FGF18: variants seen among roughly 807,000 people sequenced by gnomAD.
FGF18 encodes fibroblast growth factor 18.
A neutral mutation model predicts 23.0 loss-of-function variants in FGF18; 5 were observed. The observed-to-expected ratio is 0.22, with a 90% CI of 0.11 to 0.46. The LOEUF (loss-of-function observed/expected upper bound fraction) is 0.46, where lower values mean the gene tolerates loss of function less well. Ranked by LOEUF, FGF18 falls within the 20% of genes least tolerant of loss-of-function variation. The pLI, the probability that FGF18 is intolerant of heterozygous loss-of-function variation, is 0.99. For missense variants in FGF18, 180 were observed against 291.6 expected (o/e 0.62, Z 2.79); for synonymous variants, 117 against 118.9 (o/e 0.98, Z 0.10).
chr5:171,450,464 C>A (rs1581279718), intron 4 of FGF18, among the ~76,000 whole-genome samples: 1 of 152,204 alleles, frequency 6.6e-6, no homozygotes, highest in Non-Finnish European at 1.5e-5. Context: ...CCGCTACCAT[C>A]CCCATTCCAC....
At chr5:171,443,549 C>T (rs1199399568) in intron 3 of FGF18, among the ~76,000 whole-genome samples, 3 of 106,816 alleles carry the variant, frequency 2.8e-5, no homozygotes, top group African/African-American at 1.1e-4. Flanking sequence ...GACAGGGTTT[C>T]ACCGTGTTAG....
chr5:171,431,676 T>A (rs1480281633), intron 2 of FGF18, among the ~76,000 whole-genome samples: 1 of 152,216 alleles, frequency 6.6e-6, no homozygotes, highest in Non-Finnish European at 1.5e-5. Flanking sequence ...ATAATCCATG[T>A]GCATGGCGTG....
chr5:171,422,409 G>A (rs1428626360), intron 2 of FGF18, among the ~76,000 whole-genome samples: 4 of 152,104 alleles, frequency 2.6e-5, no homozygotes, highest in Non-Finnish European at 5.9e-5. Flanking sequence ...TTTAACCCAT[G>A]GTCCATGTAC....
At chr5:171,443,616 C>T (rs1298513211) in intron 3 of FGF18, among the ~76,000 whole-genome samples, 1 of 144,066 alleles carries the variant, frequency 6.9e-6, no homozygotes. Context: ...TCCCAAAGTG[C>T]TGGGATTACA....
At chr5:171,438,722 GC>G (rs1395424339) in intron 3 of FGF18, among the ~76,000 whole-genome samples, 1 of 152,076 alleles carries the variant, frequency 6.6e-6, no homozygotes, top group East Asian at 1.9e-4. Context: ...CACAGATGAG[GC>G]CAAGGGACCC....
chr5:171,444,920 G>T (rs577737801), intron 3 of FGF18, among the ~76,000 whole-genome samples: 1 of 152,314 alleles, frequency 6.6e-6, no homozygotes, highest in South Asian at 2.1e-4. Context: ...ATAGGTTCTT[G>T]TCCTCGTGGA....
chr5:171,438,639 C>T (rs1343711433), intron 3 of FGF18, among the ~76,000 whole-genome samples: 3 of 152,020 alleles, frequency 2.0e-5, no homozygotes, highest in East Asian at 1.9e-4. Flanking sequence ...TGTACTCCTC[C>T]GACCCCCCGA....
intron 4 of FGF18, among the ~76,000 whole-genome samples, chr5:171,455,041 T>A (rs140106199): frequency 2.0e-5 from 3 of 152,370 alleles, no homozygotes; most frequent in African/African-American, 7.2e-5. Context: ...GCATCACTCC[T>A]ACAGTGTCTC....
At chr5:171,449,382 TGTGTGTGTGTGTGTGTGTGA>T (rs1772461361) in intron 4 of FGF18, 129 bp downstream of exon 4, 2 of 495,050 alleles carry the variant, frequency 4.0e-6, no homozygotes, top group South Asian at 1.9e-5. Context: ...TGTGTGTGTG[TGTGTGTGTGTGTGTGTGTGA>T]GAGAGAGAGA....
intron 3 of FGF18, among the ~76,000 whole-genome samples, chr5:171,439,195 T>C (rs1772298704): frequency 6.6e-6 from 1 of 152,146 alleles, no homozygotes; most frequent in Non-Finnish European, 1.5e-5. Context: ...TGCGCAGTAG[T>C]GGGTGGTCCC....
intron 3 of FGF18, among the ~76,000 whole-genome samples, chr5:171,442,580 C>T (rs772901973): frequency 3.3e-5 from 5 of 152,226 alleles, no homozygotes; most frequent in African/African-American, 9.6e-5. Context: ...GCTGCTCTTG[C>T]GGGTCTTGGG....
intron 3 of FGF18, among the ~76,000 whole-genome samples, chr5:171,439,471 A>G (rs1287537727): frequency 1.3e-5 from 2 of 152,144 alleles, no homozygotes; most frequent in Non-Finnish European, 2.9e-5. Flanking sequence ...ACCTGGGATA[A>G]TATCAGCCTC....
intron 3 of FGF18, among the ~76,000 whole-genome samples, chr5:171,447,160 G>A (rs557946256): frequency 6.6e-6 from 1 of 152,236 alleles, no homozygotes; most frequent in Admixed American, 6.5e-5. Context: ...CATTTTACAG[G>A]AGAAGAAACT....
rs1198654846 is a variant in FGF18, at chr5:171,451,530, C to T, written c.357+2277C>T. 2.6e-5 allele frequency among the ~76,000 whole-genome samples: 4 copies of T among 152,160 alleles called. No individual in the cohort carries two copies. The highest frequency in any genetic ancestry group is 1.5e-5 in the Non-Finnish European group (1 of 68,024). ...CCTCCTACCATCCCGGAAATCGTTG[C>T]CCCAGCCGCCTGGCGTGTGGCTTCT... is the stretch of plus-strand genomic sequence containing the variant. On this transcript the variant is annotated intron_variant, in intron 4 of 4. Coordinates refer to ENST00000274625, the MANE Select transcript of FGF18 (RefSeq NM_003862.3). This position sits in a 1 kb window ranked among gnomAD's most constrained non-coding sequence, Gnocchi z 4.5.
chr5:171,436,135 G>T lies in FGF18; in HGVS notation c.112G>T (p.Glu38Ter), dbSNP rs770424234. The change falls in exon 3 of 5, where the codon GAG (glutamate) becomes TAG (stop). Residue 38 changes from glutamate to a stop codon, truncating the protein, a stop_gained. Coordinates refer to ENST00000274625, the MANE Select transcript of FGF18 (RefSeq NM_003862.3). LOFTEE classifies it high-confidence loss of function. The surrounding 1 kb of genome is among the most constrained non-coding windows in gnomAD (Gnocchi z 4.4). ...GAACGTGGACTTCCGCATCCACGTG[G>T]AGAACCAGACGCGGGCTCGGGACGA... ...EENVDFRIHV[E>*]NQTRARDDVS... The T allele has an allele frequency of 1.3e-6, 2 of 1,583,128 alleles. No homozygotes were observed. The highest frequency in any genetic ancestry group is 8.6e-7 in the Non-Finnish European group (1 of 1,160,750).
intron 2 of FGF18, among the ~76,000 whole-genome samples, chr5:171,427,888 A>T (rs926345637): frequency 1.3e-4 from 20 of 151,842 alleles, no homozygotes; most frequent in African/African-American, 4.6e-4. Context: ...GCTCACAGGG[A>T]TGGGTGGGTT....
intron 2 of FGF18, among the ~76,000 whole-genome samples, chr5:171,426,931 G>A (rs543783907): frequency 7.0e-4 from 106 of 152,276 alleles, no homozygotes; most frequent in Middle Eastern, 3.4e-3. Flanking sequence ...ACTTCTGGCC[G>A]GGCGTGGTGG....
chr5:171,433,158 G>C (rs1772204228), intron 2 of FGF18, among the ~76,000 whole-genome samples: 1 of 152,212 alleles, frequency 6.6e-6, no homozygotes, highest in Non-Finnish European at 1.5e-5. Flanking sequence ...CACAGAATGG[G>C]GCTTCAATGG....
chr5:171,434,784 G>A lies in FGF18; in HGVS notation c.70-1309G>A, dbSNP rs1772223170. 6.6e-6 allele frequency among the ~76,000 whole-genome samples: 1 copy of A among 151,666 alleles called. No homozygotes were observed. The highest frequency in any genetic ancestry group is 6.6e-5 in the Admixed American group (1 of 15,204). ...GTGCTGCGGATATAGTGGCAAATGA[G>A]AGACACTGCTCCAGCTTTCTCTCCC... On this transcript the variant is annotated intron_variant, in intron 2 of 4. Coordinates refer to ENST00000274625, the MANE Select transcript of FGF18 (RefSeq NM_003862.3). This position sits in a 1 kb window ranked among gnomAD's most constrained non-coding sequence, Gnocchi z 4.6.
Sources: gnomAD v4.1 joint callset for allele counts (sites outside exome capture counted in the v4.1 genomes callset) on GRCh38, gnomAD v4.1.1 for gene constraint, Gnocchi (gnomAD v3.1) non-coding constraint, MANE v1.5 for transcripts, NCBI Gene and HGNC (gene_info 2026-07-23, HGNC 2026-07-21) for gene names.